ACTL8: variants seen among roughly 807,000 people sequenced by gnomAD.
ACTL8 encodes actin like 8, also known as actin-like protein 8.
A neutral mutation model predicts 9.3 loss-of-function variants in ACTL8; 3 were observed. The ratio of observed to expected loss-of-function variants is 0.32; its 90% CI spans 0.15 to 0.83. The LOEUF (loss-of-function observed/expected upper bound fraction) is 0.83, where lower values mean the gene tolerates loss of function less well. Among genes scored for constraint, ACTL8 ranks in the 40% least tolerant of loss-of-function variants. ACTL8 has a pLI of 0.57. For missense variants in ACTL8, 381 were observed against 492.2 expected, an observed-to-expected ratio of 0.77 and a Z score of 2.14; for synonymous variants, 224 against 205.9, an observed-to-expected ratio of 1.09 and a Z score of -0.75.
intron 2 of ACTL8, among the ~76,000 whole-genome samples, chr1:17,825,141 C>T (rs562835625): frequency 1.3e-5 from 2 of 152,188 alleles, no homozygotes; most frequent in Non-Finnish European, 2.9e-5. Context: ...CCCAGGGACT[C>T]TGGCAAACCC....
intron 1 of ACTL8, among the ~76,000 whole-genome samples, chr1:17,802,714 G>A (rs760802052): frequency 5.9e-5 from 9 of 152,080 alleles, no homozygotes; most frequent in Admixed American, 2.0e-4. Context: ...TGGGCATGGC[G>A]GCTCATACCT....
intron 1 of ACTL8, among the ~76,000 whole-genome samples, chr1:17,771,896 C>T (rs149061382): frequency 6.6e-6 from 1 of 151,786 alleles, no homozygotes; most frequent in African/African-American, 2.4e-5. Context: ...TATTCTTCCA[C>T]GGTCCTTTTC....
At chr1:17,778,233 G>A (rs1353507404) in intron 1 of ACTL8, among the ~76,000 whole-genome samples, 1 of 152,238 alleles carries the variant, frequency 6.6e-6, no homozygotes, top group Non-Finnish European at 1.5e-5. Flanking sequence ...GGTTTATCCA[G>A]GCATGGGGCT....
chr1:17,774,974 C>T (rs985984117), intron 1 of ACTL8, among the ~76,000 whole-genome samples: 3 of 152,144 alleles, frequency 2.0e-5, no homozygotes, highest in Non-Finnish European at 2.9e-5. Flanking sequence ...AGACAGGAGG[C>T]GTGGGCTCTG....
At chr1:17,783,533 C>T (rs975464643) in intron 1 of ACTL8, among the ~76,000 whole-genome samples, 6 of 152,058 alleles carry the variant, frequency 3.9e-5, no homozygotes, top group South Asian at 2.1e-4. Flanking sequence ...TGTTCCATGC[C>T]GGACTAGAAT....
Position 17,825,991 on chromosome 1 carries a change from AG to A in ACTL8, c.574del (p.Asp192IlefsTer15). On this transcript the variant is annotated frameshift_variant, in exon 3 of 3. Coordinates refer to ENST00000375406, the MANE Select transcript of ACTL8 (RefSeq NM_030812.3). LOFTEE classifies it low-confidence loss of function (END_TRUNC). ...ATCTCCTCAAGAGTCTCTTTAAGGA[AG>A]ATTGCGATAGACGCTGCCTGTTTCA... ...AYLLKSLFKEDCDRRCLFQLE... is the reference protein window; with the variant it reads ...AYLLKSLFKEXCDRRCLFQLE... 3.1e-6 allele frequency: 5 copies of A among 1,608,524 alleles called. No individual in the cohort carries two copies. The highest frequency in any genetic ancestry group is 4.2e-6 in the Non-Finnish European group (5 of 1,179,994).
chr1:17,800,522 C>T (rs953256196), intron 1 of ACTL8, among the ~76,000 whole-genome samples: 14 of 150,256 alleles, frequency 9.3e-5, no homozygotes, highest in Non-Finnish European at 1.5e-4. Flanking sequence ...CTGCCCTTGC[C>T]GGGACTTCGT....
At chr1:17,761,951 G>C (rs745784188) in intron 1 of ACTL8, among the ~76,000 whole-genome samples, 11 of 152,014 alleles carry the variant, frequency 7.2e-5, no homozygotes, top group Non-Finnish European at 1.5e-4. Context: ...CCTCATCTCA[G>C]GTGGGAAGGT....
chr1:17,792,278 C>T (rs2066245125), intron 1 of ACTL8, among the ~76,000 whole-genome samples: 1 of 152,190 alleles, frequency 6.6e-6, no homozygotes, highest in African/African-American at 2.4e-5. Flanking sequence ...TGTTTTTAAC[C>T]CTTCTTGACA....
At chr1:17,815,908 C>T (rs1200539436) in intron 1 of ACTL8, among the ~76,000 whole-genome samples, 2 of 152,164 alleles carry the variant, frequency 1.3e-5, no homozygotes, top group African/African-American at 2.4e-5. Context: ...AATCCCCTTA[C>T]TCATTCCTCT....
At chr1:17,790,471 G>T (rs1461323797) in intron 1 of ACTL8, among the ~76,000 whole-genome samples, 1 of 152,232 alleles carries the variant, frequency 6.6e-6, no homozygotes, top group Non-Finnish European at 1.5e-5. Context: ...ATATAGCTCA[G>T]TGGAGGCCCT....
At position 17,764,014 on chromosome 1, in the gene ACTL8, C is replaced by T. The variant is rs1029660192; in HGVS notation, c.-25+8510C>T. ...ATAATCATTATTTTTGATAATATGTCCCAGACAAGAATAGCAAAGGTTGGA... is the reference window on the plus strand; with the variant it reads ...ATAATCATTATTTTTGATAATATGTTCCAGACAAGAATAGCAAAGGTTGGA... On this transcript the variant is annotated intron_variant, in intron 1 of 2. Coordinates refer to ENST00000375406, the MANE Select transcript of ACTL8 (RefSeq NM_030812.3). 6.6e-5 allele frequency among the ~76,000 whole-genome samples: 10 copies of T among 152,172 alleles called. No individual in the cohort carries two copies. The South Asian group carries it at 1.7e-3, about 25-fold the overall frequency.
rs544815575 is a variant in ACTL8, at chr1:17,788,211, C to A, written c.-25+32707C>A. 2.6e-5 allele frequency among the ~76,000 whole-genome samples: 4 copies of A among 152,302 alleles called. No individual in the cohort carries two copies. In the South Asian group the frequency reaches 8.3e-4, roughly 32 times the overall value. On this transcript the variant is annotated intron_variant, in intron 1 of 2. Transcript: ENST00000375406. ...GTGTGTTCATTTTGTTTATGATATC[C>A]TTTGCTATGTAGAAGTTCTTATTGT...
chr1:17,756,803 G>A (rs542223535), intron 1 of ACTL8, among the ~76,000 whole-genome samples: 65 of 152,288 alleles, frequency 4.3e-4, no homozygotes, highest in African/African-American at 1.4e-3. Flanking sequence ...TCTATCATTT[G>A]CGGTTAAGAC....
intron 1 of ACTL8, among the ~76,000 whole-genome samples, chr1:17,766,579 A>T (rs1267543196): frequency 6.6e-6 from 1 of 152,296 alleles, no homozygotes; most frequent in East Asian, 1.9e-4. Flanking sequence ...GCACCGTCCT[A>T]ATTGACTTGC....
intron 1 of ACTL8, among the ~76,000 whole-genome samples, chr1:17,805,383 T>C (rs113644944): frequency 0.054 from 2,244 of 41,664 alleles, 9 homozygotes; most frequent in Non-Finnish European, 0.067. Flanking sequence ...TTTTCTTTTT[T>C]TTTTTTTTTT....
chr1:17,821,602 G>C (rs2053660389), intron 1 of ACTL8, among the ~76,000 whole-genome samples: 1 of 151,350 alleles, frequency 6.6e-6, no homozygotes, highest in Non-Finnish European at 1.5e-5. Context: ...TGGACTTTCT[G>C]TTCCATGGAT....
intron 1 of ACTL8, among the ~76,000 whole-genome samples, chr1:17,794,323 A>G (rs887099462): frequency 2.6e-5 from 4 of 151,702 alleles, no homozygotes; most frequent in African/African-American, 7.3e-5. Flanking sequence ...TTCCTCATCT[A>G]TAAAATGAGG....
rs2066055846 is a variant in ACTL8 at position 17,767,837 on chromosome 1, A to ACG, written c.-25+12333_-25+12334insCG. ...TGCCGTGACTGCTGACACGGGAGGA[A>ACG]TGACACTGCGTTACTCAAGCAGGTG... On this transcript the variant is annotated intron_variant, in intron 1 of 2. Coordinates refer to ENST00000375406, the MANE Select transcript of ACTL8 (RefSeq NM_030812.3). The surrounding 1 kb of genome is among the most constrained non-coding windows in gnomAD (Gnocchi z 4.7). Among the ~76,000 whole-genome samples the ACG allele has an allele frequency of 6.6e-6, 1 of 152,076 alleles. No homozygotes were observed. Among genetic ancestry groups the ACG allele is most frequent in the African/African-American group, 2.4e-5 (1 of 41,412 alleles).
Sources: gnomAD v4.1 joint callset for allele counts (sites outside exome capture counted in the v4.1 genomes callset) on GRCh38, gnomAD v4.1.1 for gene constraint, Gnocchi (gnomAD v3.1) non-coding constraint, MANE v1.5 for transcripts, NCBI Gene and HGNC (gene_info 2026-07-23, HGNC 2026-07-21) for gene names.